The following COA1 variants were observed in gnomAD, a reference collection of about 807,000 sequenced individuals.
The protein encoded by COA1 is cytochrome c oxidase assembly factor 1, also known as cytochrome c oxidase assembly factor 1 homolog.
COA1 carries 13 observed loss-of-function variants against 16.0 expected under a neutral mutation model. The ratio of observed to expected loss-of-function variants is 0.81; its 90% CI spans 0.53 to 1.29. The LOEUF (loss-of-function observed/expected upper bound fraction) is 1.29. Ranked by LOEUF, COA1 falls within the 50% of genes most tolerant of loss-of-function variation. COA1 has a pLI of 0.00. For synonymous variants in COA1, 65 were observed against 65.7 expected, an observed-to-expected ratio of 0.99 and a Z score of 0.05; for missense variants, 179 against 177.0, an observed-to-expected ratio of 1.01 and a Z score of -0.06.
chr7:43,667,464 T>C (rs2092961450), intron 1 of COA1, among the ~76,000 whole-genome samples: 1 of 152,354 alleles, frequency 6.6e-6, no homozygotes, highest in East Asian at 1.9e-4. Flanking sequence ...TCTAAGTATA[T>C]GCTATCAATC....
At chr7:43,695,566 C>T (rs1309331793) in intron 1 of COA1, among the ~76,000 whole-genome samples, 1 of 152,034 alleles carries the variant, frequency 6.6e-6, no homozygotes, top group East Asian at 1.9e-4. Flanking sequence ...GGGACTTGGC[C>T]TGTCACTGAG....
chr7:43,657,213 A>C (rs1361629047), intron 1 of COA1: 1 of 152,216 alleles, frequency 6.6e-6, no homozygotes, highest in African/African-American at 2.4e-5. Context: ...GACATAAACC[A>C]ACCTGTTTTC....
At chr7:43,645,182 C>T (rs1410640117) in intron 4 of COA1, 69 bp downstream of exon 4, 13 of 1,508,430 alleles carry the variant, frequency 8.6e-6, no homozygotes, top group Non-Finnish European at 1.2e-5. Flanking sequence ...CCAGGACTTT[C>T]CAGGAGACAG....
intron 1 of COA1, among the ~76,000 whole-genome samples, chr7:43,721,523 A>T (rs10248305): frequency 0.15 from 22,383 of 152,238 alleles, 2,196 homozygotes; most frequent in Non-Finnish European, 0.21. Context: ...TTCTAGCCCA[A>T]CATGCTTAGA....
intron 1 of COA1, among the ~76,000 whole-genome samples, chr7:43,682,298 A>T (rs1207509442): frequency 6.6e-6 from 1 of 152,236 alleles, no homozygotes; most frequent in Non-Finnish European, 1.5e-5. Flanking sequence ...AAACTGAGAA[A>T]TTATTGATCA....
intron 6 of COA1, among the ~76,000 whole-genome samples, chr7:43,610,648 C>G (rs898371563): frequency 6.6e-6 from 1 of 152,080 alleles, no homozygotes; most frequent in Non-Finnish European, 1.5e-5. Flanking sequence ...GCCTAGGCAA[C>G]AGAGCGAGAC....
Position 43,640,669 on chromosome 7 carries a change from G to A in COA1, c.265-20C>T. ...CTTCAACTGTGGGTGTAAAATGACA[G>A]AAAGGAGAGATGTAATTGGATAATT... On this transcript the variant is annotated intron_variant, in intron 4 of 5. Coordinates refer to ENST00000223336, the MANE Select transcript of COA1 (RefSeq NM_018224.4). 2 of 1,519,272 alleles carry A rather than the reference G, an allele frequency of 1.3e-6. No homozygotes were observed. Among genetic ancestry groups the A allele is most frequent in the Non-Finnish European group, 9.0e-7 (1 of 1,106,648 alleles). The allele number at this position is 1,519,272 out of a possible 1,614,324, so 94.1% of individuals were successfully genotyped here.
At chr7:43,700,600 G>GTGTGTGTC (rs1379624472) in intron 1 of COA1, among the ~76,000 whole-genome samples, 1 of 150,824 alleles carries the variant, frequency 6.6e-6, no homozygotes, top group Non-Finnish European at 1.5e-5. Context: ...ACGTGTGTGT[G>GTGTGTGTC]TGTGTGTGTG....
intron 1 of COA1, among the ~76,000 whole-genome samples, chr7:43,702,272 A>C (rs1484611398): frequency 1.3e-5 from 2 of 152,188 alleles, no homozygotes; most frequent in Non-Finnish European, 2.9e-5. Flanking sequence ...ATTTTTGTAT[A>C]TGATGAAAGG....
chr7:43,713,289 G>C (rs1175530751), intron 1 of COA1, among the ~76,000 whole-genome samples: 2 of 152,106 alleles, frequency 1.3e-5, no homozygotes, highest in African/African-American at 4.8e-5. Flanking sequence ...TCAAATCAGA[G>C]TATTTAGCAT....
At chr7:43,636,312 A>G (rs1340588528), downstream of COA1, among the ~76,000 whole-genome samples, 1 of 151,698 alleles carries the variant, frequency 6.6e-6, no homozygotes, top group Non-Finnish European at 1.5e-5. Flanking sequence ...AGGTTTTCCT[A>G]TCAATCACCC....
intron 1 of COA1, among the ~76,000 whole-genome samples, chr7:43,671,151 C>A (rs1406116600): frequency 6.6e-6 from 1 of 152,062 alleles, no homozygotes; most frequent in Non-Finnish European, 1.5e-5. Flanking sequence ...AATCACAGAC[C>A]TACATGTAAG....
chr7:43,668,344 T>A (rs2093021886), intron 1 of COA1, among the ~76,000 whole-genome samples: 1 of 152,178 alleles, frequency 6.6e-6, no homozygotes, highest in African/African-American at 2.4e-5. Context: ...TATCTGAGAT[T>A]CCTGTGGAAC....
chr7:43,686,634 G>C (rs1388200778), intron 1 of COA1, among the ~76,000 whole-genome samples: 2 of 152,202 alleles, frequency 1.3e-5, no homozygotes, highest in African/African-American at 4.8e-5. Context: ...GGAAAAAGGT[G>C]GGGAGCGGAA....
chr7:43,686,305 C>CTTT (rs770784003), intron 1 of COA1, among the ~76,000 whole-genome samples: 7 of 126,072 alleles, frequency 5.6e-5, no homozygotes, highest in Non-Finnish European at 8.3e-5. Flanking sequence ...GGCTTTGTTT[C>CTTT]TTTTTTTTTT....
chr7:43,680,015 C>G (rs557411627), intron 1 of COA1, among the ~76,000 whole-genome samples: 1 of 152,000 alleles, frequency 6.6e-6, no homozygotes, highest in Non-Finnish European at 1.5e-5. Context: ...TTAGATTCAC[C>G]TTCAGAGATA....
intron 1 of COA1, among the ~76,000 whole-genome samples, chr7:43,695,842 T>C (rs1001780787): frequency 6.6e-5 from 10 of 152,206 alleles, no homozygotes; most frequent in South Asian, 4.1e-4. Flanking sequence ...AGCCTAGCAA[T>C]TGCAGTTCTG....
At chr7:43,675,166 G>C (rs2093454119) in intron 1 of COA1, among the ~76,000 whole-genome samples, 1 of 152,150 alleles carries the variant, frequency 6.6e-6, no homozygotes, top group Non-Finnish European at 1.5e-5. Flanking sequence ...CAATAGCAAA[G>C]ACTTGGAACC....
chr7:43,624,975 C>A, intron 6 of COA1: 1 of 868,466 alleles, frequency 1.2e-6, no homozygotes, highest in Non-Finnish European at 1.7e-6. Context: ...ATAACTTTGT[C>A]AAATTTGTGG....
Sources: gnomAD v4.1 joint callset for allele counts (sites outside exome capture counted in the v4.1 genomes callset) on GRCh38, gnomAD v4.1.1 for gene constraint, MANE v1.5 for transcripts, NCBI Gene and HGNC (gene_info 2026-07-23, HGNC 2026-07-21) for gene names.